The following SLC36A3 variants were observed in gnomAD, a reference collection of about 807,000 sequenced individuals.
SLC36A3 encodes the protein proton-coupled amino acid transporter 3.
In SLC36A3, 35 loss-of-function variants were observed where a neutral mutation model predicts 44.3. That is an observed-to-expected ratio of 0.79 (90% CI 0.60 to 1.05). SLC36A3 has a LOEUF of 1.05. Ranked by LOEUF, SLC36A3 falls within the 50% of genes least tolerant of loss-of-function variation. The pLI is 0.00. For missense variants in SLC36A3, 540 were observed against 578.7 expected (o/e 0.93, Z 0.69); for synonymous variants, 211 against 227.6 (o/e 0.93, Z 0.66).
intron 2 of SLC36A3, chr5:151,298,077 G>A (rs1554095731): frequency 6.6e-6 from 1 of 152,544 alleles, no homozygotes; most frequent in Non-Finnish European, 1.5e-5. Context: ...GTGATCATAA[G>A]AAAGTGTAAA....
chr5:151,295,800 T>G (rs1363411298), intron 3 of SLC36A3, among the ~76,000 whole-genome samples: 1 of 152,130 alleles, frequency 6.6e-6, no homozygotes, highest in Non-Finnish European at 1.5e-5. Context: ...CCTGACAAGG[T>G]GTGGGTATTG....
chr5:151,291,848 G>A (rs1299828850), intron 4 of SLC36A3, among the ~76,000 whole-genome samples: 1 of 151,970 alleles, frequency 6.6e-6, no homozygotes, highest in African/African-American at 2.4e-5. Flanking sequence ...CCATGGAATG[G>A]GCAGCTTTTG....
At position 151,293,411 on chromosome 5, in the gene SLC36A3, A is replaced by G. The variant is rs777777160; in HGVS notation, c.357T>C (p.Leu119=). ...TCAGCCAGGTGTTCGGGCAGGTTTC[A>G]AGGCCGTACATCGTGGCCTCTCCAT... ...VNYGEATMYG[L]ETCPNTWLRA... Residue 119 remains leucine (L), a synonymous_variant, in exon 4 of 10, where the codon CTT becomes CTC. Coordinates refer to ENST00000335230, the MANE Select transcript of SLC36A3 (RefSeq NM_181774.4). The G allele has an allele frequency of 2.1e-5, 34 of 1,613,916 alleles. No homozygotes were observed. The highest frequency in any genetic ancestry group is 2.5e-5 in the Non-Finnish European group (30 of 1,179,888).
intron 6 of SLC36A3, 84 bp from the exon 7 acceptor site, chr5:151,284,795 C>T: frequency 1.1e-6 from 1 of 916,960 alleles, no homozygotes; most frequent in Non-Finnish European, 1.7e-6. Flanking sequence ...AGCTGGGTCA[C>T]ACCTGATCTC....
intron 2 of SLC36A3, chr5:151,297,661 T>C (rs552071026): frequency 8.5e-5 from 13 of 152,330 alleles, no homozygotes; most frequent in Admixed American, 5.2e-4. Context: ...AAGGTGGGTC[T>C]GTTAGAAAAT....
At chr5:151,289,512 T>C (rs1217654696) in intron 4 of SLC36A3, among the ~76,000 whole-genome samples, 6 of 152,060 alleles carry the variant, frequency 3.9e-5, no homozygotes, top group Middle Eastern at 3.2e-3. Flanking sequence ...AAAAAGAAAT[T>C]ATTATTAATT....
Position 151,296,277 on chromosome 5 carries a change from G to T in SLC36A3, c.220-9C>A. On this transcript the variant is annotated splice_polypyrimidine_tract_variant and intron_variant, in intron 2 of 9. Coordinates refer to ENST00000335230, the MANE Select transcript of SLC36A3 (RefSeq NM_181774.4). The stretch of plus-strand genomic sequence containing the variant: ...AGGCTGACAGGACCGACCTGGAGGG[G>T]AGAGGAGAAAGGGGGAAGTGAGCCA... The T allele has an allele frequency of 3.1e-6, 5 of 1,613,208 alleles. No individual in the cohort carries two copies. In the African/African-American group the frequency reaches 6.7e-5, roughly 22 times the overall value.
chr5:151,292,985 TC>T (rs529762437), intron 4 of SLC36A3, among the ~76,000 whole-genome samples: 5 of 148,074 alleles, frequency 3.4e-5, no homozygotes, highest in South Asian at 2.1e-4. Flanking sequence ...ACTCTGTCCC[TC>T]CCCCCCCAAA....
In SLC36A3 at chr5:151,276,655, A is replaced by T. The variant is rs1754102764; in HGVS notation, c.*738T>A. The T allele has an allele frequency of 6.6e-6, 1 of 152,262 alleles. No homozygotes were observed. The highest frequency in any genetic ancestry group is 1.5e-5 in the Non-Finnish European group (1 of 68,054). 9.4% of individuals were successfully genotyped at this position (152,262 alleles called of 1,614,324 possible). A position where few individuals can be genotyped will look rare whatever the true frequency, so the allele number is the denominator to read the frequency against. On this transcript the variant is annotated 3_prime_UTR_variant, in exon 10 of 10. Coordinates refer to ENST00000335230, the MANE Select transcript of SLC36A3 (RefSeq NM_181774.4). The stretch of plus-strand genomic sequence containing the variant: ...TAGGTATATGTTTAAGTTTTAAAGA[A>T]ACTACAAGATGTTTATCAAACTGAT...
intron 1 of SLC36A3, among the ~76,000 whole-genome samples, chr5:151,300,168 A>T (rs1755122292): frequency 6.6e-6 from 1 of 152,236 alleles, no homozygotes; most frequent in Non-Finnish European, 1.5e-5. Flanking sequence ...GGTGGCCAGG[A>T]GAGCCAAAAC....
intron 1 of SLC36A3, among the ~76,000 whole-genome samples, chr5:151,302,206 G>A (rs550372517): frequency 3.3e-5 from 5 of 152,256 alleles, no homozygotes; most frequent in South Asian, 2.1e-4. Context: ...GACATTTTAC[G>A]ATTTGACCTG....
chr5:151,277,659 C>A lies in SLC36A3; in HGVS notation c.1147G>T (p.Val383Phe). The A allele has an allele frequency of 1.9e-6, 3 of 1,613,650 alleles. No homozygotes were observed. Among genetic ancestry groups the A allele is most frequent in the Non-Finnish European group, 2.5e-6 (3 of 1,179,760 alleles). The change falls in exon 10 of 10, where the codon GTC becomes TTC. Residue 383 changes from valine (V) to phenylalanine (F), a missense_variant and splice_region_variant. Val to Phe is a conservative substitution (Grantham distance 50, BLOSUM62 -1). Transcript: ENST00000335230. The part of the protein sequence containing the change: ...VRSALVCLTC[V>F]SAILIPRLDL... ...AGGCGGGGGATGAGGATGGCTGAGA[C>A]ACCTGCAATGAAAGGAGATATTTAG...
intron 2 of SLC36A3, 126 bp from the exon 3 acceptor site, chr5:151,296,394 C>G: frequency 1.3e-6 from 1 of 744,910 alleles, no homozygotes. Flanking sequence ...CAGACCCAGC[C>G]TGAATGTCCT....
rs553104103 is a variant in SLC36A3 at position 151,300,480 on chromosome 5, G to C, written c.129-1797C>G. 2.0e-5 allele frequency among the ~76,000 whole-genome samples: 3 copies of C among 152,298 alleles called. No individual in the cohort carries two copies. The South Asian group carries it at 6.2e-4, about 32-fold the overall frequency. ...AGATAACCTTTATTTCTTGATAACT[G>C]TAATTTGTCAATTCTTAAGTAGTAA... On this transcript the variant is annotated intron_variant, in intron 1 of 9. Transcript: ENST00000335230.
intron 1 of SLC36A3, among the ~76,000 whole-genome samples, chr5:151,302,480 C>G (rs1755193659): frequency 1.4e-5 from 2 of 145,898 alleles, no homozygotes; most frequent in Admixed American, 7.2e-5. Context: ...AACAGAAAAC[C>G]AAACACTGCA....
Position 151,299,254 on chromosome 5 carries a change from CTCTCTCTCTCTA to C in SLC36A3, c.129-583_129-572del, listed in dbSNP as rs1246931574. 8.6e-3 allele frequency among the ~76,000 whole-genome samples: 749 copies of C among 87,062 alleles called. 5 individuals are homozygous for C. Among genetic ancestry groups the C allele is most frequent in the Admixed American group, 0.039 (294 of 7,634 alleles). The allele number at this position is 87,062 out of a possible 152,430, so 57.1% of individuals were successfully genotyped here. A position where few individuals can be genotyped will look rare whatever the true frequency, so the allele number is the denominator to read the frequency against. On this transcript the variant is annotated intron_variant, in intron 1 of 9. Transcript: ENST00000335230. ...TCTCTCTCTCTCTCTCTCTCTCTCT[CTCTCTCTCTCTA>C]TATATATATATATATATATATATAT...
chr5:151,280,986 G>T lies in SLC36A3; in HGVS notation c.1144+28C>A, dbSNP rs764064789. 4.3e-6 allele frequency: 7 copies of T among 1,613,380 alleles called. No homozygotes were observed. In the African/African-American group the frequency reaches 5.3e-5, roughly 12 times the overall value. ...GCGTGGCTCCCTGTCATAGCTTTGG[G>T]TAAAGAGTGCCCTTTTATGCTACTC... On this transcript the variant is annotated intron_variant, in intron 9 of 9. Transcript: ENST00000335230.
chr5:151,294,329 A>G (rs929292454), intron 3 of SLC36A3, among the ~76,000 whole-genome samples: 7 of 152,334 alleles, frequency 4.6e-5, no homozygotes, highest in Admixed American at 2.0e-4. Context: ...CACCTTGCAT[A>G]GAACTGGCAA....
rs776737646 is a variant in SLC36A3 at position 151,284,173 on chromosome 5, T to A, written c.845A>T (p.Gln282Leu). The part of the protein sequence containing the change: ...PLKNQMKHPQ[Q>L]FSFVLYLGMS... ...CCCCAAGTACAGAACAAAAGAAAAC[T>A]GCTGTGGATGCTTCATCTGGTTTTT... Residue 282 changes from glutamine to leucine, a missense_variant, in exon 8 of 10, where the codon CAG (glutamine) becomes CTG (leucine). Physicochemically the swap from Gln to Leu is moderately radical, Grantham distance 113. Transcript: ENST00000335230. 20 of 1,611,412 alleles carry A rather than the reference T, an allele frequency of 1.2e-5. No homozygotes were observed. Among genetic ancestry groups the A allele is most frequent in the African/African-American group, 2.7e-5 (2 of 74,808 alleles).
Sources: allele counts gnomAD v4.1 joint callset (sites outside exome capture counted in the v4.1 genomes callset), GRCh38; gene constraint gnomAD v4.1.1; transcripts MANE v1.5; gene names NCBI Gene and HGNC (gene_info 2026-07-23, HGNC 2026-07-21).